RFTN1: variants seen among roughly 807,000 people sequenced by gnomAD.
RFTN1 encodes the protein raftlin.
RFTN1 carries 26 observed loss-of-function variants against 46.5 expected under a neutral mutation model. The ratio of observed to expected loss-of-function variants is 0.56; its 90% CI spans 0.41 to 0.78. The LOEUF is 0.78. Ranked by LOEUF, RFTN1 falls within the 30% of genes least tolerant of loss-of-function variation. The pLI is 0.00. For synonymous variants in RFTN1, 261 were observed against 284.2 expected, an observed-to-expected ratio of 0.92 and a Z score of 0.82; for missense variants, 693 against 718.7, an observed-to-expected ratio of 0.96 and a Z score of 0.41.
chr3:16,433,905 T>C lies in RFTN1; in HGVS notation c.278A>G (p.Glu93Gly). 3 of 1,614,110 alleles carry C rather than the reference T, an allele frequency of 1.9e-6. No individual in the cohort carries two copies. The highest frequency in any genetic ancestry group is 2.5e-6 in the Non-Finnish European group (3 of 1,180,012). Residue 93 changes from glutamate (E) to glycine (G), a missense_variant, in exon 3 of 10, where the codon GAG becomes GGG. Physicochemically the swap from Glu to Gly is moderately conservative, Grantham distance 98. Transcript: ENST00000334133. This position sits in a 1 kb window ranked among gnomAD's most constrained non-coding sequence, Gnocchi z 4.4. Reference sequence around the variant, plus strand: ...AAAGATGTGCTCCAGGGGCGTCTTCTCCCGCTCATGGGTGGGCTGCACGAA... The same window carrying C: ...AAAGATGTGCTCCAGGGGCGTCTTCCCCCGCTCATGGGTGGGCTGCACGAA... ...HPFVQPTHER[E>G]KTPLEHIFRA...
In RFTN1 at chr3:16,424,231, G is replaced by A. The variant is rs1229372329; in HGVS notation, c.332+9620C>T. Among the ~76,000 whole-genome samples, 1 of 152,162 alleles carries A rather than the reference G, an allele frequency of 6.6e-6. No individual in the cohort carries two copies. ...TTTCTGTGCCATGAGTCTCAAGATG[G>A]AACTTGAGTTCTATATTCACCACAC... On this transcript the variant is annotated intron_variant, in intron 3 of 9. Transcript: ENST00000334133. This position sits in a 1 kb window ranked among gnomAD's most constrained non-coding sequence, Gnocchi z 4.7.
In RFTN1 at chr3:16,426,421, C is replaced by T. The variant is rs560386544; in HGVS notation, c.332+7430G>A. 6.6e-6 allele frequency among the ~76,000 whole-genome samples: 1 copy of T among 152,160 alleles called. No homozygotes were observed. Among genetic ancestry groups the T allele is most frequent in the South Asian group, 2.1e-4 (1 of 4,816 alleles). Reference sequence around the variant, plus strand: ...TTTTAAAGGATTTTCTTTTTAGTTTCAGTATAATTTTGTACTTTCCCAATT... The same window carrying T: ...TTTTAAAGGATTTTCTTTTTAGTTTTAGTATAATTTTGTACTTTCCCAATT... On this transcript the variant is annotated intron_variant, in intron 3 of 9. Transcript: ENST00000334133. The surrounding 1 kb of genome is among the most constrained non-coding windows in gnomAD (Gnocchi z 5.9).
chr3:16,392,480 A>G (rs1281029593), intron 4 of RFTN1, among the ~76,000 whole-genome samples: 1 of 152,112 alleles, frequency 6.6e-6, no homozygotes, highest in African/African-American at 2.4e-5. Flanking sequence ...GGAAAGTTCA[A>G]CCTGTGCTGT....
intron 1 of RFTN1, among the ~76,000 whole-genome samples, chr3:16,508,365 G>A (rs1385972046): frequency 6.6e-6 from 1 of 152,234 alleles, no homozygotes; most frequent in African/African-American, 2.4e-5. Flanking sequence ...AGTCCTGGCA[G>A]GGAGCCATCA....
chr3:16,434,187 T>C, intron 2 of RFTN1, 150 bp from the exon 3 acceptor site: 1 of 673,758 alleles, frequency 1.5e-6, no homozygotes, highest in African/African-American at 1.8e-5. Flanking sequence ...CAAACAGACT[T>C]TATAAGCAGC....
chr3:16,405,868 G>A (rs759549343), intron 4 of RFTN1, among the ~76,000 whole-genome samples: 4 of 152,154 alleles, frequency 2.6e-5, no homozygotes, highest in Non-Finnish European at 4.4e-5. Context: ...TCATAGGAAC[G>A]GGAGCCATTA....
At chr3:16,412,331 G>A (rs919082209) in intron 3 of RFTN1, among the ~76,000 whole-genome samples, 1 of 152,208 alleles carries the variant, frequency 6.6e-6, no homozygotes, top group Admixed American at 6.5e-5. Context: ...TAAACCCCTT[G>A]AGGACAGATG....
chr3:16,482,669 T>C (rs914290412), intron 2 of RFTN1: 6 of 1,148,996 alleles, frequency 5.2e-6, no homozygotes, highest in Non-Finnish European at 7.6e-6. Flanking sequence ...CTATAAGGAT[T>C]AATTGACACT....
chr3:16,508,650 C>T (rs952152113), intron 1 of RFTN1, among the ~76,000 whole-genome samples: 10 of 151,590 alleles, frequency 6.6e-5, no homozygotes, highest in African/African-American at 9.7e-5. Context: ...GAGATTCAAA[C>T]GTATGTCAAA....
At chr3:16,331,562 C>T (rs193011442) in intron 7 of RFTN1, among the ~76,000 whole-genome samples, 129 of 152,138 alleles carry the variant, frequency 8.5e-4, no homozygotes, top group African/African-American at 3.1e-3. Flanking sequence ...CCTGGTTGTA[C>T]CTGAACCCAT....
chr3:16,432,572 C>T (rs2075411002), intron 3 of RFTN1, among the ~76,000 whole-genome samples: 1 of 151,906 alleles, frequency 6.6e-6, no homozygotes, highest in African/African-American at 2.4e-5. Flanking sequence ...CTCAGTGGCT[C>T]ACACCCATAA....
chr3:16,403,148 C>T (rs185348902), intron 4 of RFTN1, among the ~76,000 whole-genome samples: 37 of 152,274 alleles, frequency 2.4e-4, no homozygotes, highest in African/African-American at 6.7e-4. Flanking sequence ...ACCCAACACG[C>T]GTTATGGCCA....
In RFTN1 at chr3:16,346,091, A is replaced by G. The variant is rs1401053366; in HGVS notation, c.1146+11841T>C. 2 of 152,078 alleles carry G rather than the reference A, an allele frequency of 1.3e-5. No homozygotes were observed. Among genetic ancestry groups the G allele is most frequent in the African/African-American group, 2.4e-5 (1 of 41,406 alleles). The allele number at this position is 152,078 out of a possible 1,614,324, so 9.4% of individuals were successfully genotyped here. A position where few individuals can be genotyped will look rare whatever the true frequency, so the allele number is the denominator to read the frequency against. Reference sequence around the variant, plus strand: ...CCCTCGTCAGATTGAAAAGGTTCCTATGATTTAGGGTCTTCCAGCACCCCT... The same window carrying G: ...CCCTCGTCAGATTGAAAAGGTTCCTGTGATTTAGGGTCTTCCAGCACCCCT... On this transcript the variant is annotated intron_variant, in intron 7 of 9. Transcript: ENST00000334133. This position sits in a 1 kb window ranked among gnomAD's most constrained non-coding sequence, Gnocchi z 4.4.
rs1394784808 is a variant in RFTN1 at position 16,483,761 on chromosome 3, A to G, written c.145+9964T>C. 8.3e-6 allele frequency among the ~76,000 whole-genome samples: 1 copy of G among 120,352 alleles called. No homozygotes were observed. Among genetic ancestry groups the G allele is most frequent in the African/African-American group, 2.9e-5 (1 of 33,930 alleles). The allele number at this position is 120,352 out of a possible 152,430, so 79.0% of individuals were successfully genotyped here. Reference sequence around the variant, plus strand: ...TTTTCTGCCATCTCCACTCAAATTAAAAAAAAAAAAATTGTACTCCACATG... The same window carrying G: ...TTTTCTGCCATCTCCACTCAAATTAGAAAAAAAAAAATTGTACTCCACATG... On this transcript the variant is annotated intron_variant, in intron 2 of 9. Coordinates refer to ENST00000334133, the MANE Select transcript of RFTN1 (RefSeq NM_015150.2). The surrounding 1 kb of genome is among the most constrained non-coding windows in gnomAD (Gnocchi z 4.8).
At chr3:16,493,222 C>G (rs1391478372) in intron 2 of RFTN1, among the ~76,000 whole-genome samples, 1 of 146,686 alleles carries the variant, frequency 6.8e-6, no homozygotes, top group African/African-American at 2.5e-5. Flanking sequence ...TTTGTTAAAA[C>G]TGTAATTCGT....
In RFTN1 at chr3:16,390,256, C is replaced by A. The variant is rs1172139245; in HGVS notation, c.442-12154G>T. 2.6e-5 allele frequency among the ~76,000 whole-genome samples: 4 copies of A among 152,124 alleles called. 1 individual carries two copies. Among genetic ancestry groups the A allele is most frequent in the Admixed American group, 1.3e-4 (2 of 15,268 alleles). ...ACTAATCCATACCCACAGGAAATAC[C>A]AGACTGCAATGATTTTGTAAAGTGT... On this transcript the variant is annotated intron_variant, in intron 4 of 9. Transcript: ENST00000334133.
At position 16,352,997 on chromosome 3, in the gene RFTN1, GA is replaced by G. The variant is rs2072200520; in HGVS notation, c.1146+4934del. Among the ~76,000 whole-genome samples the G allele has an allele frequency of 6.6e-6, 1 of 151,386 alleles. No homozygotes were observed. ...AGAGGGAAGCCAGCGAGACAGGGTG[GA>G]ATTGGAATGGCACATCTACACAGAG... On this transcript the variant is annotated intron_variant, in intron 7 of 9. Transcript: ENST00000334133. This position sits in a 1 kb window ranked among gnomAD's most constrained non-coding sequence, Gnocchi z 4.6.
chr3:16,358,947 G>C (rs568519396), intron 6 of RFTN1, among the ~76,000 whole-genome samples: 1 of 148,974 alleles, frequency 6.7e-6, no homozygotes, highest in Non-Finnish European at 1.5e-5. Flanking sequence ...CAGGAGAATC[G>C]CTTGAACCGG....
intron 2 of RFTN1, chr3:16,482,797 C>T: frequency 5.9e-6 from 9 of 1,536,128 alleles, no homozygotes; most frequent in Non-Finnish European, 7.0e-6. Flanking sequence ...TGCAGGGATC[C>T]CCAGAGAGGC....
Sources: gnomAD v4.1 joint callset for allele counts (sites outside exome capture counted in the v4.1 genomes callset) on GRCh38, gnomAD v4.1.1 for gene constraint, Gnocchi (gnomAD v3.1) non-coding constraint, MANE v1.5 for transcripts, NCBI Gene and HGNC (gene_info 2026-07-23, HGNC 2026-07-21) for gene names.